XRN1: variants seen among roughly 807,000 people sequenced by gnomAD.
XRN1 encodes the protein strand-exchange protein 1 homolog.
In XRN1, 67 loss-of-function variants were observed where a neutral mutation model predicts 222.3. The observed-to-expected ratio is 0.30, with a 90% CI of 0.25 to 0.37. XRN1 has a LOEUF of 0.37. Ranked by LOEUF, XRN1 falls within the 10% of genes least tolerant of loss-of-function variation. The probability of loss-of-function intolerance (pLI) is 1.00; values close to 1 mark genes in which losing one functional copy is unlikely to be tolerated. For synonymous variants in XRN1, 643 were observed against 652.4 expected (o/e 0.99, Z 0.22); for missense variants, 1,707 against 2,000.2 (o/e 0.85, Z 2.80).
At chr3:142,388,471 G>A (rs2067592391) in intron 20 of XRN1, among the ~76,000 whole-genome samples, 1 of 152,050 alleles carries the variant, frequency 6.6e-6, no homozygotes, top group South Asian at 2.1e-4. Context: ...TGTATTGGGG[G>A]TCAGCACCCC....
rs2069092110 is a variant in XRN1, at chr3:142,422,746, T to C, written c.803A>G (p.Lys268Arg). 6.2e-7 allele frequency: 1 copy of C among 1,609,722 alleles called. No homozygotes were observed. Reference sequence around the variant, plus strand: ...TTCAATATCATATTTAAATGTGATCTTTTCCTACAGTAAAATAGAGAACAA... The same window carrying C: ...TTCAATATCATATTTAAATGTGATCCTTTCCTACAGTAAAATAGAGAACAA... ...IDYEFSVLKEKITFKYDIERI... is the reference protein window; with the variant it reads ...IDYEFSVLKERITFKYDIERI... Residue 268 changes from lysine (K) to arginine (R), a missense_variant, in exon 8 of 41, where the codon AAG becomes AGG. This residue lies in a region of XRN1 where 1,234 missense variants were observed against 1,518.2 expected (regional missense o/e 0.81). Coordinates refer to ENST00000392981, the MANE Select transcript of XRN1 (RefSeq NM_001282857.2).
chr3:142,412,483 T>C, intron 15 of XRN1, 61 bp downstream of exon 15: 1 of 1,461,050 alleles, frequency 6.8e-7, no homozygotes. Context: ...CTCATTAACC[T>C]ATGTGAAATA....
At chr3:142,442,093 AC>A (rs770964006) in intron 1 of XRN1, among the ~76,000 whole-genome samples, 23 of 152,232 alleles carry the variant, frequency 1.5e-4, no homozygotes, top group Non-Finnish European at 3.2e-4. Context: ...TCACTTGGGC[AC>A]TAGAATTAGG....
intron 39 of XRN1, among the ~76,000 whole-genome samples, chr3:142,313,625 T>A (rs2065132821): frequency 6.6e-6 from 1 of 152,244 alleles, no homozygotes; most frequent in Non-Finnish European, 1.5e-5. Context: ...AGTTCAGCTA[T>A]TTAAGACACT....
At chr3:142,422,533 G>A (rs758793639) in intron 8 of XRN1, 49 bp downstream of exon 8, 4 of 1,547,712 alleles carry the variant, frequency 2.6e-6, no homozygotes, top group East Asian at 2.2e-5. Flanking sequence ...TTTAGGGTAA[G>A]GTGGCACTAA....
At chr3:142,337,538 A>G (rs188372522) in intron 33 of XRN1, among the ~76,000 whole-genome samples, 1 of 152,334 alleles carries the variant, frequency 6.6e-6, no homozygotes, top group Non-Finnish European at 1.5e-5. Flanking sequence ...ATTTTCTGCA[A>G]TTTGGAAATC....
intron 29 of XRN1, among the ~76,000 whole-genome samples, chr3:142,362,298 T>C (rs1479106258): frequency 6.6e-6 from 1 of 152,034 alleles, no homozygotes; most frequent in Non-Finnish European, 1.5e-5. Context: ...CCACCATGCC[T>C]GGCTAATTTT....
intron 32 of XRN1, among the ~76,000 whole-genome samples, chr3:142,353,068 T>C (rs1242515226): frequency 6.6e-6 from 1 of 152,226 alleles, no homozygotes; most frequent in Non-Finnish European, 1.5e-5. Context: ...TTTTTCTCTC[T>C]TCTTAATCTC....
chr3:142,317,642 C>A (rs1453499530), intron 39 of XRN1, among the ~76,000 whole-genome samples: 1 of 152,176 alleles, frequency 6.6e-6, no homozygotes, highest in African/African-American at 2.4e-5. Context: ...GGTCTGGCTG[C>A]GTCACAGAGG....
intron 33 of XRN1, among the ~76,000 whole-genome samples, chr3:142,336,563 G>A (rs1001994485): frequency 6.6e-6 from 1 of 151,386 alleles, no homozygotes; most frequent in African/African-American, 2.4e-5. Context: ...CAGAGACAGG[G>A]GAAGGAAGGA....
chr3:142,358,372 T>G (rs969851830), intron 30 of XRN1, among the ~76,000 whole-genome samples: 1 of 152,196 alleles, frequency 6.6e-6, no homozygotes, highest in Non-Finnish European at 1.5e-5. Context: ...CTCTATCACC[T>G]ATTTTTTTTC....
At chr3:142,353,027 T>C (rs560624114) in intron 32 of XRN1, among the ~76,000 whole-genome samples, 1 of 152,350 alleles carries the variant, frequency 6.6e-6, no homozygotes, top group Admixed American at 6.5e-5. Context: ...TCTTCCTTTC[T>C]TTGTCTGAGT....
intron 25 of XRN1, 22 bp downstream of exon 25, chr3:142,375,776 T>C: frequency 6.3e-7 from 1 of 1,596,832 alleles, no homozygotes; most frequent in Non-Finnish European, 8.5e-7. Context: ...GAATGACTAC[T>C]AGTATCTTAT....
At chr3:142,332,892 A>G in intron 35 of XRN1, 75 bp downstream of exon 35, 1 of 1,550,938 alleles carries the variant, frequency 6.4e-7, no homozygotes, top group Non-Finnish European at 8.7e-7. Flanking sequence ...GTGTTTGAAC[A>G]CTTGCATGGG....
chr3:142,422,879 A>G lies in XRN1; in HGVS notation c.754T>C (p.Ser252Pro), dbSNP rs2069096652. 6.2e-7 allele frequency: 1 copy of G among 1,612,762 alleles called. No homozygotes were observed. Among genetic ancestry groups the G allele is most frequent in the African/African-American group, 1.3e-5 (1 of 74,998 alleles). Reference protein sequence around the residue: ...EETTFHLLHLSLMREYIDYEF... With the variant: ...EETTFHLLHLPLMREYIDYEF... ...TAGTCAATATACTCTCTCATTAAAG[A>G]CAAGTGTAGAAGGTGAAATGTAGTT... Residue 252 changes from serine to proline, a missense_variant, in exon 7 of 41, where the codon TCT becomes CCT. Transcript: ENST00000392981.
chr3:142,346,301 C>T (rs59954506), intron 33 of XRN1, among the ~76,000 whole-genome samples: 12,027 of 152,146 alleles, frequency 0.079, 1,593 homozygotes, highest in African/African-American at 0.27. Context: ...AAGTCCCTTA[C>T]AGAAAATAGT....
chr3:142,377,090 G>A (rs1476886063), intron 23 of XRN1, among the ~76,000 whole-genome samples: 1 of 151,798 alleles, frequency 6.6e-6, no homozygotes, highest in African/African-American at 2.4e-5. Context: ...ATGGATATAA[G>A]TAATATTCTT....
rs538361449 is a variant in XRN1, at chr3:142,367,861, C to T, written c.3205-2495G>A. 7.2e-5 allele frequency among the ~76,000 whole-genome samples: 11 copies of T among 151,850 alleles called. 1 individual carries two copies. The South Asian group carries it at 2.3e-3, about 32-fold the overall frequency. ...TACTTTTAATGATGATCCTGCATTA[C>T]TAAGAAAAGTTTAAATGATCTTCAG... is the stretch of plus-strand genomic sequence containing the variant. On this transcript the variant is annotated intron_variant, in intron 27 of 40. Transcript: ENST00000392981.
chr3:142,425,934 CAATAAT>C (rs199772346), intron 3 of XRN1, among the ~76,000 whole-genome samples: 1 of 150,950 alleles, frequency 6.6e-6, no homozygotes, highest in Non-Finnish European at 1.5e-5. Flanking sequence ...ATCAGATTGT[CAATAAT>C]AATAATAATA....
Sources: gnomAD v4.1 joint callset for allele counts (sites outside exome capture counted in the v4.1 genomes callset) on GRCh38, gnomAD v4.1.1 for gene constraint, gnomAD v4.1.1 regional missense constraint, MANE v1.5 for transcripts, NCBI Gene and HGNC (gene_info 2026-07-23, HGNC 2026-07-21) for gene names.